Variants in IFNLR1 observed in about 807,000 individuals in gnomAD.
IFNLR1 encodes interferon lambda receptor 1.
A neutral mutation model predicts 52.5 loss-of-function variants in IFNLR1; 28 were observed. The observed-to-expected ratio is 0.53, with a 90% confidence interval of 0.40 to 0.73. The LOEUF (loss-of-function observed/expected upper bound fraction) is 0.73. IFNLR1 is among the 30% of genes least tolerant of loss of function. IFNLR1 has a pLI of 0.00. For missense variants in IFNLR1, 623 were observed against 659.1 expected (o/e 0.95, Z 0.60); for synonymous variants, 276 against 274.9 (o/e 1.00, Z -0.04).
chr1:24,171,396 G>T (rs929852143), intron 2 of IFNLR1, among the ~76,000 whole-genome samples: 1 of 152,158 alleles, frequency 6.6e-6, no homozygotes, highest in African/African-American at 2.4e-5. Flanking sequence ...AAATTTTAAA[G>T]AATAGGTATC....
At chr1:24,159,735 T>G (rs28692566) in intron 4 of IFNLR1, 102 bp from the exon 5 acceptor site, 25 of 1,001,120 alleles carry the variant, frequency 2.5e-5, no homozygotes, top group Non-Finnish European at 2.6e-5. Flanking sequence ...TGTTTTTTTT[T>G]TGTTTTTTTT....
chr1:24,168,669 A>G (rs1231777842), intron 3 of IFNLR1, among the ~76,000 whole-genome samples: 1 of 151,264 alleles, frequency 6.6e-6, no homozygotes, highest in Non-Finnish European at 1.5e-5. Flanking sequence ...TTTTTCTATC[A>G]TCTTTACCCC....
At chr1:24,169,349 T>C (rs72648600) in intron 3 of IFNLR1, 68 bp downstream of exon 3, 20,508 of 1,428,594 alleles carry the variant, frequency 0.014, 359 homozygotes, top group East Asian at 0.064. Context: ...ACAGAACCAC[T>C]GAGCACTGAG....
At chr1:24,162,831 T>TTTTCTTTCTTTCTTTC (rs71029518) in intron 3 of IFNLR1, among the ~76,000 whole-genome samples, 19 of 33,850 alleles carry the variant, frequency 5.6e-4, no homozygotes, top group South Asian at 1.2e-3. Flanking sequence ...TCTTTCTTTC[T>TTTTCTTTCTTTCTTTC]TTTCTTTCTT....
chr1:24,182,789 G>A (rs1013937000), intron 1 of IFNLR1, among the ~76,000 whole-genome samples: 1 of 152,016 alleles, frequency 6.6e-6, no homozygotes, highest in Non-Finnish European at 1.5e-5. Flanking sequence ...GCGTGGTGGT[G>A]CACGCCTGTA....
intron 3 of IFNLR1, among the ~76,000 whole-genome samples, chr1:24,168,378 C>T (rs1644540324): frequency 6.6e-6 from 1 of 152,196 alleles, no homozygotes; most frequent in African/African-American, 2.4e-5. Flanking sequence ...TTACAGCTCT[C>T]AGCTCTCTGA....
chr1:24,157,273 A>C lies in IFNLR1; in HGVS notation c.1420T>G (p.Phe474Val), dbSNP rs528321980. 1.2e-6 allele frequency: 2 copies of C among 1,614,094 alleles called. No homozygotes were observed. The highest frequency in any genetic ancestry group is 3.3e-5 in the Admixed American group (2 of 60,012). The change falls in exon 7 of 7, where the codon TTC becomes GTC. Residue 474 changes from phenylalanine (F) to valine (V), a missense_variant. Transcript: ENST00000327535. The surrounding 1 kb of genome is among the most constrained non-coding windows in gnomAD (Gnocchi z 5.1). ...TCCTCAGGGCTGCTTTCCCAGCAGA[A>C]GGTCAGTGTCTGAAGAGAAACTGGG... ...GPPVSLQTLTFCWESSPEEEE... is the reference protein window; with the variant it reads ...GPPVSLQTLTVCWESSPEEEE...
intron 4 of IFNLR1, 136 bp downstream of exon 4, chr1:24,161,406 C>G: frequency 1.1e-6 from 1 of 934,962 alleles, no homozygotes. Context: ...TTAGGGCTGA[C>G]TGCCAGAAGT....
Position 24,157,769 on chromosome 1 carries a change from G to T in IFNLR1, c.924C>A (p.Val308=). Residue 308 remains valine (V), a synonymous_variant, in exon 7 of 7, where the codon GTC becomes GTA. Coordinates refer to ENST00000327535, the MANE Select transcript of IFNLR1 (RefSeq NM_170743.4). This position sits in a 1 kb window ranked among gnomAD's most constrained non-coding sequence, Gnocchi z 5.1. The part of the protein sequence containing the change: ...LTRGVRPTPR[V]RAPATQQTRW... The stretch of plus-strand genomic sequence containing the variant: ...TTGTCTGTTGGGTGGCTGGGGCCCT[G>T]ACTCGAGGCGTCGGCCTGACCCCTC... The T allele has an allele frequency of 6.2e-7, 1 of 1,614,218 alleles. No homozygotes were observed. The highest frequency in any genetic ancestry group is 1.7e-5 in the Admixed American group (1 of 60,024).
intron 2 of IFNLR1, among the ~76,000 whole-genome samples, chr1:24,179,128 TTG>T (rs1361653818): frequency 1.3e-5 from 2 of 151,888 alleles, no homozygotes; most frequent in Non-Finnish European, 1.5e-5. Flanking sequence ...TTTTTTTTTT[TTG>T]TAGAGACAGG....
At chr1:24,185,337 A>G (rs1251811089) in intron 1 of IFNLR1, among the ~76,000 whole-genome samples, 1 of 152,188 alleles carries the variant, frequency 6.6e-6, no homozygotes, top group Non-Finnish European at 1.5e-5. Context: ...TCTATTGACC[A>G]CTACGAGTCA....
At chr1:24,169,232 G>A (rs4649197) in intron 3 of IFNLR1, among the ~76,000 whole-genome samples, 185 bp downstream of exon 3, 96,872 of 152,050 alleles carry the variant, frequency 0.64, 31,240 homozygotes, top group East Asian at 0.92. Flanking sequence ...CTGACAGGCT[G>A]CCAGACATGG....
intron 1 of IFNLR1, among the ~76,000 whole-genome samples, chr1:24,181,393 T>C (rs914927116): frequency 2.6e-5 from 4 of 152,190 alleles, no homozygotes; most frequent in Admixed American, 1.3e-4. Flanking sequence ...GATAAGAACT[T>C]CGAGGCATCT....
intron 2 of IFNLR1, among the ~76,000 whole-genome samples, chr1:24,171,954 T>G (rs7525004): frequency 1 from 151,790 of 152,166 alleles, 75,708 homozygotes; most frequent in East Asian, 1. Flanking sequence ...GAGCCACCAC[T>G]CCTGGCCCAG....
In IFNLR1 at chr1:24,170,486, G is replaced by A. The variant is rs375070566; in HGVS notation, c.183-885C>T. Reference sequence around the variant, plus strand: ...AGTGATTCTCCTGCCTCAGCCTCCCGAGTAGATGGGATTACAGGCCAGCGT... The same window carrying A: ...AGTGATTCTCCTGCCTCAGCCTCCCAAGTAGATGGGATTACAGGCCAGCGT... On this transcript the variant is annotated intron_variant, in intron 2 of 6. Transcript: ENST00000327535. Among the ~76,000 whole-genome samples the A allele has an allele frequency of 9.2e-5, 14 of 152,122 alleles. No homozygotes were observed. In the East Asian group the frequency reaches 2.3e-3, roughly 25 times the overall value.
intron 2 of IFNLR1, among the ~76,000 whole-genome samples, chr1:24,176,384 C>T (rs1323781880): frequency 1.3e-5 from 2 of 152,200 alleles, no homozygotes; most frequent in African/African-American, 4.8e-5. Context: ...TGATAGAGAA[C>T]GTCTTACATC....
chr1:24,175,893 C>T (rs1644627266), intron 2 of IFNLR1, among the ~76,000 whole-genome samples: 1 of 151,052 alleles, frequency 6.6e-6, no homozygotes. Flanking sequence ...GAGATCACAC[C>T]ATTGCACTCC....
intron 5 of IFNLR1, 68 bp from the exon 6 acceptor site, chr1:24,159,250 G>T: frequency 6.4e-7 from 1 of 1,564,764 alleles, no homozygotes; most frequent in Non-Finnish European, 8.8e-7. Flanking sequence ...CCTGTGCCGA[G>T]TGCTTCACAT....
intron 2 of IFNLR1, among the ~76,000 whole-genome samples, chr1:24,177,077 T>G (rs961262460): frequency 2.6e-5 from 4 of 152,000 alleles, no homozygotes; most frequent in African/African-American, 4.8e-5. Context: ...GAATATTGAG[T>G]GCCTAAAAAT....
Sources: allele counts gnomAD v4.1 joint callset (sites outside exome capture counted in the v4.1 genomes callset), GRCh38; gene constraint gnomAD v4.1.1; non-coding constraint Gnocchi (gnomAD v3.1); transcripts MANE v1.5; gene names NCBI Gene and HGNC (gene_info 2026-07-23, HGNC 2026-07-21).